The following CSNK2A1 variants were observed in gnomAD, a reference collection of about 807,000 sequenced individuals.
CSNK2A1 encodes the protein casein kinase 2 alpha 1, also known as casein kinase II subunit alpha.
CSNK2A1 carries 10 observed loss-of-function variants against 62.9 expected under a neutral mutation model. That is an observed-to-expected ratio of 0.16 (90% CI 0.10 to 0.27). CSNK2A1 has a LOEUF of 0.27. Ranked by LOEUF, CSNK2A1 falls within the 10% of genes least tolerant of loss-of-function variation. The probability of loss-of-function intolerance (pLI) is 1.00; values close to 1 mark genes in which losing one functional copy is unlikely to be tolerated. For missense variants in CSNK2A1, 160 were observed against 492.0 expected (o/e 0.33, Z 6.38); for synonymous variants, 124 against 167.8 (o/e 0.74, Z 2.02).
chr20:542,256 C>T (rs1568579360), intron 1 of CSNK2A1, among the ~76,000 whole-genome samples: 1 of 152,136 alleles, frequency 6.6e-6, no homozygotes, highest in Non-Finnish European at 1.5e-5. Flanking sequence ...TAGAAAATAC[C>T]ATCATCCCCC....
chr20:541,460 T>C (rs993891224), intron 1 of CSNK2A1, among the ~76,000 whole-genome samples: 2 of 152,228 alleles, frequency 1.3e-5, no homozygotes, highest in Admixed American at 1.3e-4. Context: ...AGTAAAGATG[T>C]ATATATTTTA....
At chr20:487,830 C>G in intron 11 of CSNK2A1, 1 of 520,660 alleles carries the variant, frequency 1.9e-6, no homozygotes, top group South Asian at 2.3e-5. Context: ...GGTTACTTGA[C>G]AGGACGTGAC....
chr20:487,404 G>A, intron 12 of CSNK2A1, 23 bp downstream of exon 12: 1 of 1,612,978 alleles, frequency 6.2e-7, no homozygotes, highest in African/African-American at 1.3e-5. Flanking sequence ...CACAAACTCT[G>A]TGGGCTAGAT....
intron 1 of CSNK2A1, among the ~76,000 whole-genome samples, chr20:535,034 CAAAAAAAAAA>C (rs11469217): frequency 1.6e-3 from 80 of 50,792 alleles, no homozygotes; most frequent in African/African-American, 6.3e-3. Flanking sequence ...TGCTATCTCC[CAAAAAAAAAA>C]AAAAAAAAAA....
At chr20:532,506 T>C (rs1479816400) in intron 1 of CSNK2A1, among the ~76,000 whole-genome samples, 1 of 151,992 alleles carries the variant, frequency 6.6e-6, no homozygotes, top group East Asian at 1.9e-4. Context: ...AAAATAATAT[T>C]TGTATGGCAC....
intron 3 of CSNK2A1, 90 bp downstream of exon 3, chr20:508,361 G>A (rs2018648397): frequency 2.1e-6 from 3 of 1,425,822 alleles, no homozygotes; most frequent in Non-Finnish European, 1.9e-6. Context: ...CACATACAGA[G>A]TCACGGAGGT....
Position 495,760 on chromosome 20 carries a change from C to T in CSNK2A1, c.469G>A (p.Val157Ile). 2 of 1,614,126 alleles carry T rather than the reference C, an allele frequency of 1.2e-6. No individual in the cohort carries two copies. The highest frequency in any genetic ancestry group is 1.7e-6 in the Non-Finnish European group (2 of 1,179,968). Reference sequence around the variant, plus strand: ...TCAATCATGACATTATGGGGCTTGACATCTCTGTGCATAATTCCCATGCTG... The same window carrying T: ...TCAATCATGACATTATGGGGCTTGATATCTCTGTGCATAATTCCCATGCTG... ...CHSMGIMHRD[V>I]KPHNVMIDHE... The change falls in exon 8 of 14, where the codon GTC (valine) becomes ATC (isoleucine). Residue 157 changes from valine to isoleucine, a missense_variant. Transcript: ENST00000217244.
chr20:516,370 C>T (rs562443584), intron 2 of CSNK2A1, among the ~76,000 whole-genome samples: 85 of 152,076 alleles, frequency 5.6e-4, no homozygotes, highest in African/African-American at 2.0e-3. Flanking sequence ...TAATCAGCTA[C>T]GAAAAAAGTA....
intron 2 of CSNK2A1, among the ~76,000 whole-genome samples, chr20:525,436 A>G (rs2019060476): frequency 6.6e-6 from 1 of 151,900 alleles, no homozygotes; most frequent in Non-Finnish European, 1.5e-5. Flanking sequence ...GCGGATCACG[A>G]GGTCAGAAGA....
chr20:492,861 T>A (rs1274434319), intron 8 of CSNK2A1: 1 of 154,832 alleles, frequency 6.5e-6, no homozygotes, highest in Admixed American at 6.3e-5. Flanking sequence ...TAATGCCTGG[T>A]ATACAGGAGA....
In CSNK2A1 at chr20:502,590, T is replaced by A. The variant is rs557816888; in HGVS notation, c.213+2528A>T. The A allele has an allele frequency of 3.9e-5, 6 of 152,294 alleles. No individual in the cohort carries two copies. The East Asian group carries it at 1.2e-3, about 29-fold the overall frequency. The allele number at this position is 152,294 out of a possible 1,614,324, so 9.4% of individuals were successfully genotyped here. A position where few individuals can be genotyped will look rare whatever the true frequency, so the allele number is the denominator to read the frequency against. On this transcript the variant is annotated intron_variant, in intron 4 of 13. Coordinates refer to ENST00000217244, the MANE Select transcript of CSNK2A1 (RefSeq NM_177559.3). ...GTTTACAAAGGAAATTCATCTATAC[T>A]TACACCACCTACCCACAGTTACAGT...
At chr20:531,431 AATAT>A (rs1237445491) in intron 1 of CSNK2A1, among the ~76,000 whole-genome samples, 1 of 152,172 alleles carries the variant, frequency 6.6e-6, no homozygotes, top group Non-Finnish European at 1.5e-5. Context: ...GTTTATACTA[AATAT>A]ATAAATTTAC....
intron 1 of CSNK2A1, among the ~76,000 whole-genome samples, chr20:532,113 G>A (rs2019223781): frequency 6.6e-6 from 1 of 151,874 alleles, no homozygotes; most frequent in Admixed American, 6.6e-5. Context: ...AAACTGTTCA[G>A]ATATCCAATT....
chr20:526,411 G>C (rs1381323431), intron 2 of CSNK2A1, among the ~76,000 whole-genome samples: 5 of 152,082 alleles, frequency 3.3e-5, no homozygotes, highest in South Asian at 2.1e-4. Flanking sequence ...AGGAGTTTGA[G>C]ACCAGCCTGG....
Position 479,335 on chromosome 20 carries a change from T to G in CSNK2A1, c.*4626A>C, listed in dbSNP as rs186521186. On this transcript the variant is annotated 3_prime_UTR_variant, in exon 14 of 14. Transcript: ENST00000217244. ...AACAACCGCTCTATGAAATCAGTAC[T>G]TATACCCCAATTTAACAGATAGGAA... 6.6e-6 allele frequency: 1 copy of G among 152,134 alleles called. No homozygotes were observed. The highest frequency in any genetic ancestry group is 2.4e-5 in the African/African-American group (1 of 41,410). 9.4% of individuals were successfully genotyped at this position (152,134 alleles called of 1,614,324 possible). A position where few individuals can be genotyped will look rare whatever the true frequency, so the allele number is the denominator to read the frequency against.
chr20:495,513 C>T (rs2018327958), intron 8 of CSNK2A1: 2 of 494,448 alleles, frequency 4.0e-6, no homozygotes, highest in Admixed American at 6.5e-5. Context: ...GCCCACTTTA[C>T]TCATGTTTCC....
At chr20:512,829 CATTA>C (rs1328553885) in intron 2 of CSNK2A1, among the ~76,000 whole-genome samples, 22 of 152,188 alleles carry the variant, frequency 1.4e-4, no homozygotes, top group Admixed American at 6.5e-5. Flanking sequence ...ACCTGGGTGA[CATTA>C]ATCTATCTTC....
At chr20:519,689 T>C (rs767307579) in intron 2 of CSNK2A1, among the ~76,000 whole-genome samples, 2 of 151,870 alleles carry the variant, frequency 1.3e-5, no homozygotes, top group Admixed American at 6.6e-5. Flanking sequence ...AAAAAATAAA[T>C]AGCCGCCAAA....
Position 523,059 on chromosome 20 carries a change from T to C in CSNK2A1, c.-110+4874A>G, listed in dbSNP as rs188340981. ...TACTGAGGGAAGCATATATGGAGAT[T>C]CTATCTGTAACTTCTGTAAACCTAA... is the stretch of plus-strand genomic sequence containing the variant. On this transcript the variant is annotated intron_variant, in intron 2 of 13. Coordinates refer to ENST00000217244, the MANE Select transcript of CSNK2A1 (RefSeq NM_177559.3). Among the ~76,000 whole-genome samples the C allele has an allele frequency of 1.0e-3, 159 of 152,302 alleles. 1 individual carries two copies. Among genetic ancestry groups the C allele is most frequent in the Non-Finnish European group, 1.9e-3 (128 of 68,020 alleles).
Sources: allele counts gnomAD v4.1 joint callset (sites outside exome capture counted in the v4.1 genomes callset), GRCh38; gene constraint gnomAD v4.1.1; transcripts MANE v1.5; gene names NCBI Gene and HGNC (gene_info 2026-07-23, HGNC 2026-07-21).